Variants in MCTP1 observed in about 807,000 individuals in gnomAD.
MCTP1 encodes multiple C2 and transmembrane domain containing 1.
In MCTP1, 69 loss-of-function variants were observed where a neutral mutation model predicts 120.6. The ratio of observed to expected loss-of-function variants is 0.57; its 90% CI spans 0.47 to 0.70. The LOEUF is 0.70. Among genes scored for constraint, MCTP1 ranks in the 30% least tolerant of loss-of-function variants. The probability of loss-of-function intolerance (pLI) is 0.00; values close to 1 mark genes in which losing one functional copy is unlikely to be tolerated. For synonymous variants in MCTP1, 529 were observed against 493.1 expected, an observed-to-expected ratio of 1.07 and a Z score of -0.96; for missense variants, 1,203 against 1,248.8, an observed-to-expected ratio of 0.96 and a Z score of 0.55.
intron 17 of MCTP1, among the ~76,000 whole-genome samples, chr5:94,825,746 T>TATAC (rs936992065): frequency 1.3e-5 from 2 of 151,922 alleles, no homozygotes; most frequent in Admixed American, 1.3e-4. Context: ...CATATATATA[T>TATAC]ATACATACAT....
chr5:95,122,488 GAC>G (rs1758315801), intron 1 of MCTP1, among the ~76,000 whole-genome samples: 1 of 152,050 alleles, frequency 6.6e-6, no homozygotes, highest in Admixed American at 6.5e-5. Flanking sequence ...ATATCCAAAA[GAC>G]AGGCAATAAC....
intron 2 of MCTP1, among the ~76,000 whole-genome samples, chr5:95,006,360 T>C (rs572710157): frequency 2.1e-4 from 31 of 145,254 alleles, no homozygotes; most frequent in African/African-American, 7.6e-4. Context: ...GGTGTATTTG[T>C]ATATATATAT....
intron 17 of MCTP1, among the ~76,000 whole-genome samples, chr5:94,839,596 C>A (rs1453926393): frequency 6.6e-6 from 1 of 152,050 alleles, no homozygotes; most frequent in Non-Finnish European, 1.5e-5. Flanking sequence ...TAAAAGACTT[C>A]AAAAATAATT....
At chr5:94,721,880 T>G (rs1760995055) in intron 19 of MCTP1, among the ~76,000 whole-genome samples, 1 of 149,166 alleles carries the variant, frequency 6.7e-6, no homozygotes, top group African/African-American at 2.5e-5. Flanking sequence ...AGGTTTCTTT[T>G]GAAGGTGAAA....
intron 1 of MCTP1, among the ~76,000 whole-genome samples, chr5:95,145,922 C>G (rs1342895297): frequency 6.6e-6 from 1 of 152,038 alleles, no homozygotes; most frequent in Non-Finnish European, 1.5e-5. Flanking sequence ...TAGGGAGGAG[C>G]CTCTCCTGTT....
rs188856058 is a variant in MCTP1, at chr5:95,206,874, T to G, written c.720+76982A>C. ...TTTTTAAAGGCACTTGGTTTTGCAT[T>G]AGGTCACAAAATTTGAAGACTACAC... On this transcript the variant is annotated intron_variant, in intron 1 of 22. Coordinates refer to ENST00000515393, the MANE Select transcript of MCTP1 (RefSeq NM_024717.7). Among the ~76,000 whole-genome samples, 18 of 152,276 alleles carry G rather than the reference T, an allele frequency of 1.2e-4. No homozygotes were observed. The East Asian group carries it at 3.5e-3, about 29-fold the overall frequency.
intron 18 of MCTP1, among the ~76,000 whole-genome samples, chr5:94,785,125 G>A (rs1300635890): frequency 6.6e-6 from 1 of 152,058 alleles, no homozygotes; most frequent in Non-Finnish European, 1.5e-5. Context: ...ATTTTCTTAA[G>A]TGTCAGCTTA....
intron 2 of MCTP1, among the ~76,000 whole-genome samples, chr5:94,999,993 T>C (rs1833357405): frequency 6.6e-6 from 1 of 152,178 alleles, no homozygotes; most frequent in Non-Finnish European, 1.5e-5. Flanking sequence ...ATTTACAAAG[T>C]CTCCAGATAG....
chr5:94,932,880 C>G (rs1290600457), intron 5 of MCTP1, among the ~76,000 whole-genome samples: 1 of 151,920 alleles, frequency 6.6e-6, no homozygotes, highest in Non-Finnish European at 1.5e-5. Context: ...AGAACTGTAT[C>G]TCTTTCAGGA....
intron 17 of MCTP1, among the ~76,000 whole-genome samples, chr5:94,819,131 ATTCT>A (rs142316274): frequency 4.3e-4 from 64 of 150,472 alleles, no homozygotes; most frequent in South Asian, 1.9e-3. Context: ...TCATTCATTC[ATTCT>A]TTCATTCATT....
chr5:94,749,681 A>AT (rs1561569904), intron 19 of MCTP1, among the ~76,000 whole-genome samples: 1 of 143,006 alleles, frequency 7.0e-6, no homozygotes, highest in East Asian at 1.9e-4. Flanking sequence ...AAAAAAAAAA[A>AT]AAAAATATCA....
In MCTP1 at chr5:95,229,888, A is replaced by C. The variant is rs535904219; in HGVS notation, c.720+53968T>G. Among the ~76,000 whole-genome samples, 10 of 152,226 alleles carry C rather than the reference A, an allele frequency of 6.6e-5. No individual in the cohort carries two copies. In the East Asian group the frequency reaches 1.9e-3, roughly 29 times the overall value. ...CCCTGGGAAAAGATTTTCTTTCTCAAGAGGGGACTGGAAAAGTGATCTCCC... is the reference window on the plus strand; with the variant it reads ...CCCTGGGAAAAGATTTTCTTTCTCACGAGGGGACTGGAAAAGTGATCTCCC... On this transcript the variant is annotated intron_variant, in intron 1 of 22. Coordinates refer to ENST00000515393, the MANE Select transcript of MCTP1 (RefSeq NM_024717.7).
chr5:94,913,836 C>T (rs899268900), intron 8 of MCTP1, among the ~76,000 whole-genome samples: 1 of 152,094 alleles, frequency 6.6e-6, no homozygotes, highest in Non-Finnish European at 1.5e-5. Flanking sequence ...GGACAACAGG[C>T]ATGCACCACT....
intron 10 of MCTP1, among the ~76,000 whole-genome samples, chr5:94,897,714 G>A (rs1221594376): frequency 1.3e-5 from 2 of 152,048 alleles, no homozygotes; most frequent in Non-Finnish European, 2.9e-5. Flanking sequence ...CACATGTGCA[G>A]GTTTGTAATA....
chr5:95,072,833 C>G (rs935449855), intron 1 of MCTP1, among the ~76,000 whole-genome samples: 2 of 141,786 alleles, frequency 1.4e-5, no homozygotes, highest in East Asian at 2.1e-4. Flanking sequence ...GCAAGCTCTG[C>G]CTCCCGGGTT....
intron 1 of MCTP1, among the ~76,000 whole-genome samples, chr5:95,215,710 G>A (rs1379541258): frequency 6.6e-6 from 1 of 151,642 alleles, no homozygotes; most frequent in African/African-American, 2.4e-5. Context: ...CACCTATCTT[G>A]TAACCATAAG....
chr5:94,959,282 G>A (rs1403768661), intron 2 of MCTP1, among the ~76,000 whole-genome samples: 1 of 152,064 alleles, frequency 6.6e-6, no homozygotes, highest in Non-Finnish European at 1.5e-5. Context: ...AAAATAATAA[G>A]AGATATTTAT....
At chr5:94,972,941 A>C (rs369864643) in intron 2 of MCTP1, among the ~76,000 whole-genome samples, 1 of 152,140 alleles carries the variant, frequency 6.6e-6, no homozygotes, top group Admixed American at 6.6e-5. Context: ...TGAACAAAAA[A>C]AAAACCACTG....
intron 1 of MCTP1, among the ~76,000 whole-genome samples, chr5:95,227,130 G>A (rs996665944): frequency 2.6e-5 from 4 of 152,120 alleles, no homozygotes; most frequent in African/African-American, 9.7e-5. Flanking sequence ...GAAAAAATAA[G>A]AACCTGACAC....
Sources: allele counts gnomAD v4.1 joint callset (sites outside exome capture counted in the v4.1 genomes callset), GRCh38; gene constraint gnomAD v4.1.1; transcripts MANE v1.5; gene names NCBI Gene and HGNC (gene_info 2026-07-23, HGNC 2026-07-21).